Variants in PELI2 observed in about 807,000 individuals in gnomAD.
The protein encoded by PELI2 is E3 ubiquitin-protein ligase pellino homolog 2.
PELI2 carries 23 observed loss-of-function variants against 42.3 expected under a neutral mutation model. That is an observed-to-expected ratio of 0.54 (90% CI 0.39 to 0.77). PELI2 has a LOEUF of 0.77. PELI2 is among the 30% of genes least tolerant of loss of function. The pLI is 0.00. For missense variants in PELI2, 463 were observed against 553.2 expected (o/e 0.84, Z 1.64); for synonymous variants, 245 against 212.2 (o/e 1.15, Z -1.34).
intron 2 of PELI2, among the ~76,000 whole-genome samples, chr14:56,276,683 A>G (rs1390817134): frequency 6.6e-6 from 1 of 152,014 alleles, no homozygotes; most frequent in Non-Finnish European, 1.5e-5. Flanking sequence ...CTCTTTTCCC[A>G]CTTTCATACC....
chr14:56,156,704 A>G (rs1021599614), intron 1 of PELI2, among the ~76,000 whole-genome samples: 5 of 152,234 alleles, frequency 3.3e-5, no homozygotes, highest in African/African-American at 1.2e-4. Context: ...TATGGCTAGT[A>G]TGGAGAGCTA....
At chr14:56,244,839 C>G (rs570167661) in intron 2 of PELI2, among the ~76,000 whole-genome samples, 129 of 152,328 alleles carry the variant, frequency 8.5e-4, no homozygotes, top group African/African-American at 3.0e-3. Context: ...TTGGCTTAGA[C>G]AGATGGCATA....
intron 4 of PELI2, 56 bp from the exon 5 acceptor site, chr14:56,290,212 T>A: frequency 7.4e-7 from 1 of 1,357,956 alleles, no homozygotes; most frequent in East Asian, 2.4e-5. Flanking sequence ...TCCAGAATCC[T>A]TTCCATTTCA....
At chr14:56,255,836 GCTC>G (rs1259272153) in intron 2 of PELI2, among the ~76,000 whole-genome samples, 1 of 152,124 alleles carries the variant, frequency 6.6e-6, no homozygotes, top group Non-Finnish European at 1.5e-5. Context: ...CATCTTGTCT[GCTC>G]CTTACTGTAC....
At chr14:56,155,738 C>T (rs1367724007) in intron 1 of PELI2, among the ~76,000 whole-genome samples, 5 of 133,622 alleles carry the variant, frequency 3.7e-5, no homozygotes, top group East Asian at 2.1e-4. Context: ...CTCGCCACCA[C>T]GCCCGGCTAA....
At chr14:56,167,237 A>G (rs1490115134) in intron 1 of PELI2, among the ~76,000 whole-genome samples, 2 of 152,094 alleles carry the variant, frequency 1.3e-5, no homozygotes, top group Non-Finnish European at 2.9e-5. Flanking sequence ...GTACTCTGTT[A>G]TTATCCCTTT....
chr14:56,278,049 GA>G (rs908448451), intron 2 of PELI2, among the ~76,000 whole-genome samples: 2 of 152,178 alleles, frequency 1.3e-5, no homozygotes, highest in Non-Finnish European at 2.9e-5. Flanking sequence ...TATATGCCAT[GA>G]AAGTTGTGTT....
At chr14:56,167,035 C>T (rs527427421) in intron 1 of PELI2, among the ~76,000 whole-genome samples, 7 of 152,224 alleles carry the variant, frequency 4.6e-5, no homozygotes, top group African/African-American at 7.2e-5. Context: ...ATGATCCGCC[C>T]GCCTCAGCCT....
chr14:56,149,844 G>A (rs916024698), intron 1 of PELI2, among the ~76,000 whole-genome samples: 11 of 151,992 alleles, frequency 7.2e-5, no homozygotes, highest in African/African-American at 1.7e-4. Context: ...TTTTACTTTC[G>A]TTAAGGACGT....
At chr14:56,158,072 G>C (rs1317775006) in intron 1 of PELI2, among the ~76,000 whole-genome samples, 4 of 152,256 alleles carry the variant, frequency 2.6e-5, no homozygotes, top group Non-Finnish European at 5.9e-5. Context: ...CTGTTGCCCA[G>C]GCTGGAGTGC....
At chr14:56,174,276 C>G (rs886585032) in intron 1 of PELI2, among the ~76,000 whole-genome samples, 1 of 152,216 alleles carries the variant, frequency 6.6e-6, no homozygotes, top group Admixed American at 6.5e-5. Flanking sequence ...CTGCTGCTGT[C>G]TGATCATCTT....
chr14:56,243,089 GC>G (rs544154332), intron 2 of PELI2, among the ~76,000 whole-genome samples: 209 of 152,262 alleles, frequency 1.4e-3, no homozygotes, highest in African/African-American at 4.9e-3. Flanking sequence ...CCAGATATTT[GC>G]GAGTTTTCTA....
At chr14:56,225,616 G>A (rs528079714) in intron 2 of PELI2, among the ~76,000 whole-genome samples, 103 of 152,322 alleles carry the variant, frequency 6.8e-4, no homozygotes, top group Non-Finnish European at 1.1e-3. Flanking sequence ...CTGCAGTGAG[G>A]GAAGGGGCAG....
intron 3 of PELI2, among the ~76,000 whole-genome samples, chr14:56,286,329 A>C (rs1889644311): frequency 6.6e-6 from 1 of 152,242 alleles, no homozygotes; most frequent in African/African-American, 2.4e-5. Flanking sequence ...TCAGAAAATA[A>C]AGTGATTGAT....
intron 1 of PELI2, among the ~76,000 whole-genome samples, chr14:56,160,131 A>G (rs1375482588): frequency 5.9e-5 from 9 of 152,064 alleles, no homozygotes; most frequent in Non-Finnish European, 1.3e-4. Context: ...GAATAAATGC[A>G]GGAAGTAACA....
At chr14:56,143,578 G>T (rs547760883) in intron 1 of PELI2, among the ~76,000 whole-genome samples, 1 of 152,108 alleles carries the variant, frequency 6.6e-6, no homozygotes, top group Non-Finnish European at 1.5e-5. Flanking sequence ...GAATTCTTCC[G>T]TAAGGACGGT....
chr14:56,127,054 C>T (rs544409468), intron 1 of PELI2, among the ~76,000 whole-genome samples: 8 of 152,192 alleles, frequency 5.3e-5, no homozygotes, highest in Middle Eastern at 3.4e-3. Flanking sequence ...AAGTACTGTA[C>T]GGTTTGAAAA....
chr14:56,126,750 T>G (rs544973896), intron 1 of PELI2, among the ~76,000 whole-genome samples: 2 of 152,184 alleles, frequency 1.3e-5, no homozygotes, highest in Non-Finnish European at 2.9e-5. Flanking sequence ...ATTGATTGAT[T>G]GATTGCGTTG....
At chr14:56,227,009 A>G (rs1887381373) in intron 2 of PELI2, among the ~76,000 whole-genome samples, 1 of 152,244 alleles carries the variant, frequency 6.6e-6, no homozygotes, top group African/African-American at 2.4e-5. Flanking sequence ...TCCTCTATAA[A>G]AGTTTAAATG....
Sources: gnomAD v4.1 joint callset for allele counts (sites outside exome capture counted in the v4.1 genomes callset) on GRCh38, gnomAD v4.1.1 for gene constraint, MANE v1.5 for transcripts, NCBI Gene and HGNC (gene_info 2026-07-23, HGNC 2026-07-21) for gene names.